Variants in FSTL5 observed in about 807,000 individuals in gnomAD.
FSTL5 encodes follistatin like 5, also known as follistatin-related protein 5.
A neutral mutation model predicts 89.1 loss-of-function variants in FSTL5; 62 were observed. The observed-to-expected ratio is 0.70, with a 90% CI of 0.57 to 0.86. The LOEUF (loss-of-function observed/expected upper bound fraction) is 0.86. Ranked by LOEUF, FSTL5 falls within the 40% of genes least tolerant of loss-of-function variation. The pLI is 0.00. For missense variants in FSTL5, 1,057 were observed against 1,001.6 expected (o/e 1.06, Z -0.75); for synonymous variants, 383 against 346.2 (o/e 1.11, Z -1.18).
chr4:161,799,544 G>C (rs189401051), intron 4 of FSTL5, among the ~76,000 whole-genome samples: 12 of 151,656 alleles, frequency 7.9e-5, no homozygotes, highest in Admixed American at 6.6e-4. Context: ...TTTTTCACTT[G>C]ACATCTTATT....
intron 8 of FSTL5, among the ~76,000 whole-genome samples, chr4:161,556,023 A>G (rs924108536): frequency 2.0e-5 from 3 of 151,654 alleles, no homozygotes; most frequent in African/African-American, 7.2e-5. Context: ...AAGTGGAAGC[A>G]TGACGTATTC....
At chr4:161,586,850 T>A (rs1484531080) in intron 8 of FSTL5, among the ~76,000 whole-genome samples, 1 of 152,202 alleles carries the variant, frequency 6.6e-6, no homozygotes, top group African/African-American at 2.4e-5. Flanking sequence ...TGCCTCCTTT[T>A]CATAAATCAG....
At chr4:161,875,299 G>T (rs537859578) in intron 4 of FSTL5, among the ~76,000 whole-genome samples, 51 of 152,160 alleles carry the variant, frequency 3.4e-4, no homozygotes, top group Admixed American at 9.2e-4. Context: ...ATAGGAAATT[G>T]GCTGTCCCCA....
intron 6 of FSTL5, among the ~76,000 whole-genome samples, chr4:161,694,320 G>C (rs1466718781): frequency 1.3e-5 from 2 of 151,920 alleles, no homozygotes; most frequent in African/African-American, 4.8e-5. Context: ...CTGATGGTAG[G>C]TACCTTAGGC....
intron 3 of FSTL5, among the ~76,000 whole-genome samples, chr4:161,954,340 G>A (rs1055872995): frequency 6.6e-6 from 1 of 151,492 alleles, no homozygotes; most frequent in Non-Finnish European, 1.5e-5. Context: ...CTATTAAAAT[G>A]TTTTTAAGAG....
chr4:161,807,105 G>A (rs1434678742), intron 4 of FSTL5, among the ~76,000 whole-genome samples: 2 of 72,198 alleles, frequency 2.8e-5, no homozygotes, highest in African/African-American at 4.4e-5. Context: ...TCTGGATACA[G>A]GTTGGTCATT....
intron 10 of FSTL5, among the ~76,000 whole-genome samples, chr4:161,515,891 A>G (rs1353621820): frequency 6.6e-6 from 1 of 151,502 alleles, no homozygotes; most frequent in Non-Finnish European, 1.5e-5. Context: ...TGTTCCTGCA[A>G]GAGGTATGAA....
intron 1 of FSTL5, among the ~76,000 whole-genome samples, chr4:162,124,895 G>T (rs560247958): frequency 6.6e-6 from 1 of 152,222 alleles, no homozygotes; most frequent in East Asian, 1.9e-4. Context: ...AGTAGAGACG[G>T]GTTTTCACCG....
chr4:161,750,346 A>T (rs1740353557), intron 6 of FSTL5, among the ~76,000 whole-genome samples: 1 of 152,176 alleles, frequency 6.6e-6, no homozygotes, highest in Non-Finnish European at 1.5e-5. Context: ...GATATGCTGT[A>T]CTGTAATAAT....
intron 2 of FSTL5, among the ~76,000 whole-genome samples, chr4:162,051,499 T>A (rs992573474): frequency 9.2e-5 from 14 of 151,460 alleles, no homozygotes; most frequent in African/African-American, 2.9e-4. Context: ...CTACTAGACA[T>A]ATAAAGAATA....
intron 7 of FSTL5, among the ~76,000 whole-genome samples, chr4:161,590,002 G>A (rs1419447090): frequency 6.6e-6 from 1 of 152,016 alleles, no homozygotes; most frequent in African/African-American, 2.4e-5. Flanking sequence ...CTGATGCAAG[G>A]CATTTAATTA....
At chr4:161,733,046 A>C (rs185984737) in intron 6 of FSTL5, among the ~76,000 whole-genome samples, 1 of 151,946 alleles carries the variant, frequency 6.6e-6, no homozygotes, top group Admixed American at 6.6e-5. Context: ...TTTATTTAAA[A>C]TTGTATCTAT....
At chr4:161,542,773 G>T in intron 8 of FSTL5, 80 bp from the exon 9 acceptor site, 1 of 794,480 alleles carries the variant, frequency 1.3e-6, no homozygotes, top group Non-Finnish European at 1.8e-6. Flanking sequence ...ATTGCAATAA[G>T]ATAAATAATA....
chr4:161,873,847 G>A (rs75039845), intron 4 of FSTL5, among the ~76,000 whole-genome samples: 6,110 of 151,124 alleles, frequency 0.04, 193 homozygotes, highest in East Asian at 0.15. Context: ...TTTTTTGCTC[G>A]TTCATTTATT....
chr4:161,385,571 A>C lies in FSTL5; in HGVS notation c.*176T>G. On this transcript the variant is annotated 3_prime_UTR_variant, in exon 16 of 16. Coordinates refer to ENST00000306100, the MANE Select transcript of FSTL5 (RefSeq NM_020116.5). ...CTGAGTATTTCTAATTAACCAATAT[A>C]ATTAATTGTGTATGTCTTAGTCACT... 1 of 544,400 alleles carries C rather than the reference A, an allele frequency of 1.8e-6. No individual in the cohort carries two copies. Among genetic ancestry groups the C allele is most frequent in the Admixed American group, 3.6e-5 (1 of 27,514 alleles). The allele number at this position is 544,400 out of a possible 1,614,324, so 33.7% of individuals were successfully genotyped here. A position where few individuals can be genotyped will look rare whatever the true frequency, so the allele number is the denominator to read the frequency against.
intron 6 of FSTL5, among the ~76,000 whole-genome samples, chr4:161,663,215 A>T (rs1344920111): frequency 6.6e-6 from 1 of 152,038 alleles, no homozygotes; most frequent in African/African-American, 2.4e-5. Context: ...CGCATTTCAA[A>T]ACCAATCATG....
intron 15 of FSTL5, among the ~76,000 whole-genome samples, chr4:161,434,585 T>TA (rs2126349406): frequency 6.6e-6 from 1 of 151,900 alleles, no homozygotes; most frequent in Admixed American, 6.5e-5. Flanking sequence ...CACATCAAAT[T>TA]AAAAAGCTTC....
At chr4:161,853,334 C>T (rs1420280629) in intron 4 of FSTL5, among the ~76,000 whole-genome samples, 2 of 152,002 alleles carry the variant, frequency 1.3e-5, no homozygotes, top group Non-Finnish European at 1.5e-5. Context: ...GTGGCACGAT[C>T]TCGGCTCACT....
chr4:162,125,783 CAA>C (rs1732055106), intron 1 of FSTL5, among the ~76,000 whole-genome samples: 1 of 151,900 alleles, frequency 6.6e-6, no homozygotes, highest in Non-Finnish European at 1.5e-5. Context: ...TTTACTATAA[CAA>C]AAATTTATCT....
Sources: gnomAD v4.1 joint callset for allele counts (sites outside exome capture counted in the v4.1 genomes callset) on GRCh38, gnomAD v4.1.1 for gene constraint, MANE v1.5 for transcripts, NCBI Gene and HGNC (gene_info 2026-07-23, HGNC 2026-07-21) for gene names.